The following STXBP6 variants were observed in gnomAD, a reference collection of about 807,000 sequenced individuals.
The protein encoded by STXBP6 is syntaxin-binding protein 6.
In STXBP6, 21 loss-of-function variants were observed where a neutral mutation model predicts 26.9. That is an observed-to-expected ratio of 0.78 (90% CI 0.55 to 1.12). The LOEUF is 1.12. STXBP6 is among the 50% of genes most tolerant of loss of function. STXBP6 has a pLI of 0.00. For synonymous variants in STXBP6, 97 were observed against 92.6 expected (o/e 1.05, Z -0.27); for missense variants, 232 against 257.9 (o/e 0.90, Z 0.69).
chr14:24,920,971 T>C (rs2071956822), intron 2 of STXBP6, among the ~76,000 whole-genome samples: 1 of 152,108 alleles, frequency 6.6e-6, no homozygotes, highest in Non-Finnish European at 1.5e-5. Flanking sequence ...GTTGGATGTA[T>C]TGCTGACTAC....
At chr14:24,872,883 C>G (rs1333496544) in intron 2 of STXBP6, among the ~76,000 whole-genome samples, 1 of 152,220 alleles carries the variant, frequency 6.6e-6, no homozygotes, top group Non-Finnish European at 1.5e-5. Context: ...TCTTGCCTTT[C>G]CCAAAATGTT....
chr14:24,875,046 T>G (rs1450050409), intron 2 of STXBP6, among the ~76,000 whole-genome samples: 1 of 152,178 alleles, frequency 6.6e-6, no homozygotes, highest in East Asian at 1.9e-4. Context: ...AGAATGAACC[T>G]TGTACCCATT....
At chr14:24,886,995 T>C (rs746504375) in intron 2 of STXBP6, among the ~76,000 whole-genome samples, 44 of 152,172 alleles carry the variant, frequency 2.9e-4, no homozygotes, top group Non-Finnish European at 5.1e-4. Context: ...ACAATAAACA[T>C]GCAACTACAG....
intron 1 of STXBP6, among the ~76,000 whole-genome samples, chr14:25,034,648 C>T (rs1230810715): frequency 6.6e-6 from 1 of 152,092 alleles, no homozygotes; most frequent in Non-Finnish European, 1.5e-5. Context: ...CTTCTCTGAG[C>T]CTTGGTTTCT....
intron 1 of STXBP6, among the ~76,000 whole-genome samples, chr14:25,035,359 C>T (rs2075532266): frequency 6.6e-6 from 1 of 152,146 alleles, no homozygotes; most frequent in South Asian, 2.1e-4. Context: ...CTTTACTCCT[C>T]CTGTCACAAT....
chr14:24,882,952 T>C (rs563508428), intron 2 of STXBP6, among the ~76,000 whole-genome samples: 2 of 152,340 alleles, frequency 1.3e-5, no homozygotes, highest in South Asian at 4.1e-4. Flanking sequence ...AAGCTTTAAT[T>C]ACATAGTTAG....
intron 2 of STXBP6, among the ~76,000 whole-genome samples, chr14:24,869,509 G>A (rs182942235): frequency 5.8e-4 from 88 of 152,300 alleles, no homozygotes; most frequent in African/African-American, 2.1e-3. Context: ...GCATGGCCTT[G>A]ATGAAGATTC....
intron 2 of STXBP6, among the ~76,000 whole-genome samples, chr14:24,935,472 G>A (rs1362621519): frequency 2.0e-5 from 3 of 152,112 alleles, no homozygotes; most frequent in African/African-American, 4.8e-5. Context: ...CAAGAAGTAA[G>A]AAAGAGCCAA....
chr14:25,012,880 C>T (rs1018312899), intron 1 of STXBP6, among the ~76,000 whole-genome samples: 2 of 152,088 alleles, frequency 1.3e-5, no homozygotes, highest in East Asian at 1.9e-4. Flanking sequence ...ATTCAGGAGA[C>T]CACACAAAGG....
Position 25,020,185 on chromosome 14 carries a change from G to A in STXBP6, c.-33+29693C>T, listed in dbSNP as rs552284152. Among the ~76,000 whole-genome samples the A allele has an allele frequency of 3.3e-5, 5 of 152,256 alleles. No individual in the cohort carries two copies. The South Asian group carries it at 8.3e-4, about 25-fold the overall frequency. On this transcript the variant is annotated intron_variant, in intron 1 of 5. Coordinates refer to ENST00000323944, the MANE Select transcript of STXBP6 (RefSeq NM_001394410.1). ...GATTGCACTGCCAGTCACCTTCAGA[G>A]GCAATATGACCATGTGAGGCAAAAA...
At chr14:25,038,105 TAAAC>T (rs1159875736) in intron 1 of STXBP6, among the ~76,000 whole-genome samples, 3 of 146,432 alleles carry the variant, frequency 2.0e-5, no homozygotes, top group African/African-American at 4.9e-5. Context: ...AACTGAAACA[TAAAC>T]AAGAGGCACG....
chr14:25,021,673 C>T (rs1019095411), intron 1 of STXBP6, among the ~76,000 whole-genome samples: 2 of 152,126 alleles, frequency 1.3e-5, no homozygotes, highest in Non-Finnish European at 2.9e-5. Context: ...CCTCCATGAC[C>T]GATGCTTTCC....
chr14:24,856,382 T>C (rs1311511249), intron 3 of STXBP6, among the ~76,000 whole-genome samples: 1 of 152,124 alleles, frequency 6.6e-6, no homozygotes, highest in Admixed American at 6.6e-5. Flanking sequence ...TGTATTATCT[T>C]CCCAATTTCC....
intron 2 of STXBP6, among the ~76,000 whole-genome samples, chr14:24,858,878 G>T (rs2069435910): frequency 6.6e-6 from 1 of 152,120 alleles, no homozygotes; most frequent in African/African-American, 2.4e-5. Flanking sequence ...TCCTGTATTA[G>T]ACACACACCC....
At chr14:24,935,976 T>C (rs978785073) in intron 2 of STXBP6, among the ~76,000 whole-genome samples, 25 of 152,278 alleles carry the variant, frequency 1.6e-4, no homozygotes, top group Middle Eastern at 3.4e-3. Flanking sequence ...GAGAGAAATA[T>C]GAGAATGTGT....
intron 2 of STXBP6, among the ~76,000 whole-genome samples, chr14:24,875,543 C>T (rs2070106688): frequency 6.6e-6 from 1 of 152,072 alleles, no homozygotes; most frequent in Admixed American, 6.5e-5. Flanking sequence ...GGACTCTTGG[C>T]AGGAAGGAGC....
intron 2 of STXBP6, among the ~76,000 whole-genome samples, chr14:24,924,639 C>T (rs974675658): frequency 1.1e-4 from 16 of 152,096 alleles, no homozygotes; most frequent in African/African-American, 3.1e-4. Context: ...CATCTCTTTC[C>T]TGTCTAAGAA....
intron 2 of STXBP6, among the ~76,000 whole-genome samples, chr14:24,936,769 G>C (rs1182121760): frequency 6.6e-6 from 1 of 152,084 alleles, no homozygotes; most frequent in Non-Finnish European, 1.5e-5. Flanking sequence ...TAACTGGCGT[G>C]AGAGCAATCC....
At chr14:25,047,953 A>C (rs534347076) in intron 1 of STXBP6, among the ~76,000 whole-genome samples, 3 of 152,222 alleles carry the variant, frequency 2.0e-5, no homozygotes, top group Non-Finnish European at 2.9e-5. Flanking sequence ...AGGACTCTGA[A>C]TGTTGATAAG....
Sources: allele counts gnomAD v4.1 joint callset (sites outside exome capture counted in the v4.1 genomes callset), GRCh38; gene constraint gnomAD v4.1.1; transcripts MANE v1.5; gene names NCBI Gene and HGNC (gene_info 2026-07-23, HGNC 2026-07-21).